Variants in JAML observed in about 807,000 individuals in gnomAD.
JAML encodes the protein junctional adhesion molecule-like.
In JAML, 25 loss-of-function variants were observed where a neutral mutation model predicts 39.3. That is an observed-to-expected ratio of 0.64 (90% CI 0.46 to 0.89). The LOEUF is 0.89. JAML is among the 40% of genes least tolerant of loss of function. JAML has a pLI of 0.00. For missense variants in JAML, 440 were observed against 486.9 expected (o/e 0.90, Z 0.91); for synonymous variants, 162 against 179.2 (o/e 0.90, Z 0.77).
chr11:118,194,801 G>T (rs542659433), intron 9 of JAML, among the ~76,000 whole-genome samples: 1 of 152,302 alleles, frequency 6.6e-6, no homozygotes, highest in Non-Finnish European at 1.5e-5. Flanking sequence ...AAGGCTCTTT[G>T]TTACCCCTGC....
intron 9 of JAML, among the ~76,000 whole-genome samples, chr11:118,196,220 C>T (rs1317119826): frequency 6.7e-6 from 1 of 149,070 alleles, no homozygotes; most frequent in African/African-American, 2.5e-5. Context: ...CAACGCCTTC[C>T]AGGTCCAAGC....
In JAML at chr11:118,200,625, G is replaced by A. The variant is rs79742660; in HGVS notation, c.773-13C>T. On this transcript the variant is annotated splice_polypyrimidine_tract_variant and intron_variant, in intron 6 of 9. Transcript: ENST00000356289. Reference sequence around the variant, plus strand: ...GGGGTCACCAGTGCTTGGGAAAGTAGAAAAGCAAGGAGAGGGTCTCAATAC... The same window carrying A: ...GGGGTCACCAGTGCTTGGGAAAGTAAAAAAGCAAGGAGAGGGTCTCAATAC... 6,862 of 1,613,988 alleles carry A rather than the reference G, an allele frequency of 4.3e-3. 255 individuals carry two copies. In the African/African-American group the frequency reaches 0.079, roughly 19 times the overall value.
In JAML at chr11:118,199,475, A is replaced by T. The variant is rs560016353; in HGVS notation, c.911+999T>A. ...TGGGAAAGAACACTCAAAAGTCAGG[A>T]CTATTCATGAGGCCCTTTCCCACTG... On this transcript the variant is annotated intron_variant, in intron 7 of 9. Coordinates refer to ENST00000356289, the MANE Select transcript of JAML (RefSeq NM_001098526.2). 4.6e-5 allele frequency among the ~76,000 whole-genome samples: 7 copies of T among 152,216 alleles called. No individual in the cohort carries two copies. In the South Asian group the frequency reaches 1.5e-3, roughly 32 times the overall value.
At chr11:118,207,862 T>A (rs1247979706) in intron 4 of JAML, among the ~76,000 whole-genome samples, 1 of 152,192 alleles carries the variant, frequency 6.6e-6, no homozygotes, top group East Asian at 1.9e-4. Flanking sequence ...CTCCTTGTGG[T>A]TCCCTCTGTG....
intron 2 of JAML, 26 bp downstream of exon 2, chr11:118,214,798 C>A (rs753903022): frequency 2.5e-6 from 4 of 1,611,472 alleles, no homozygotes; most frequent in Non-Finnish European, 3.4e-6. Context: ...TCAAATACCC[C>A]ACGGAGTCCC....
intron 4 of JAML, among the ~76,000 whole-genome samples, chr11:118,206,597 A>G (rs939555319): frequency 1.3e-5 from 2 of 152,066 alleles, no homozygotes; most frequent in African/African-American, 4.8e-5. Flanking sequence ...TGGCCTTGGT[A>G]CAAGTCACAG....
chr11:118,208,241 A>G (rs1591472145), intron 4 of JAML, among the ~76,000 whole-genome samples: 1 of 12,182 alleles, frequency 8.2e-5, no homozygotes, highest in African/African-American at 2.2e-4. Flanking sequence ...CTAAAAAAAA[A>G]AGAGAGAGAG....
rs1949023274 is a variant in JAML at position 118,210,379 on chromosome 11, A to G, written c.424+108T>C. 8 of 913,034 alleles carry G rather than the reference A, an allele frequency of 8.8e-6. No homozygotes were observed. In the South Asian group the frequency reaches 1.3e-4, roughly 15 times the overall value. The allele number at this position is 913,034 out of a possible 1,614,324, so 56.6% of individuals were successfully genotyped here. ...ATTTTTTGAAGATTCACTCTGTGGT[A>G]AGTACTTAGCCCAAAGGCTGGCATT... On this transcript the variant is annotated intron_variant, in intron 4 of 9. Transcript: ENST00000356289.
At chr11:118,221,642 G>C (rs1295969677) in intron 1 of JAML, among the ~76,000 whole-genome samples, 1 of 152,206 alleles carries the variant, frequency 6.6e-6, no homozygotes, top group African/African-American at 2.4e-5. Context: ...ACAGGCCATG[G>C]ACCAGTGCCA....
chr11:118,203,230 G>A (rs1591465643), intron 6 of JAML, 198 bp downstream of exon 6: 2 of 717,630 alleles, frequency 2.8e-6, no homozygotes, highest in South Asian at 2.9e-5. Context: ...GCCAGAACTA[G>A]GGTGAGGCAA....
At position 118,203,374 on chromosome 11, in the gene JAML, C is replaced by A. The variant is rs990676124; in HGVS notation, c.772+54G>T. ...CTCTCCGGCCTCACTCTAGTCCTGG[C>A]GCCATGCACCAGCCAGGAGGTCCCT... On this transcript the variant is annotated intron_variant, in intron 6 of 9. Coordinates refer to ENST00000356289, the MANE Select transcript of JAML (RefSeq NM_001098526.2). 15 of 1,504,650 alleles carry A rather than the reference C, an allele frequency of 1.0e-5. No individual in the cohort carries two copies. In the South Asian group the frequency reaches 1.5e-4, roughly 15 times the overall value. 93.2% of individuals were successfully genotyped at this position (1,504,650 alleles called of 1,614,324 possible).
intron 1 of JAML, among the ~76,000 whole-genome samples, chr11:118,220,921 A>C (rs7103936): frequency 0.26 from 40,305 of 152,132 alleles, 5,965 homozygotes; most frequent in African/African-American, 0.4. Context: ...TGGCCTTAAA[A>C]TGAAGTGGGC....
In JAML at chr11:118,214,938, AT is replaced by A. The variant is rs1012864321; in HGVS notation, c.-20-53del. On this transcript the variant is annotated intron_variant, in intron 1 of 9. Coordinates refer to ENST00000356289, the MANE Select transcript of JAML (RefSeq NM_001098526.2). Reference sequence around the variant, plus strand: ...AAATCATGTCAAGAGAAGCTCATTAATTTAAAAAACCAATAGTGAAGGACTA... The same window carrying A: ...AAATCATGTCAAGAGAAGCTCATTAATTAAAAAACCAATAGTGAAGGACTA... The A allele has an allele frequency of 3.9e-6, 6 of 1,549,980 alleles. No homozygotes were observed. The African/African-American group carries it at 8.2e-5, about 21-fold the overall frequency.
At chr11:118,197,895 C>G (rs778778695) in intron 8 of JAML, 103 bp downstream of exon 8, 7 of 1,061,302 alleles carry the variant, frequency 6.6e-6, no homozygotes, top group Non-Finnish European at 1.0e-5. Flanking sequence ...CAAGCACTGG[C>G]CTGCAAGCTG....
At chr11:118,218,094 G>C (rs1263615836) in intron 1 of JAML, among the ~76,000 whole-genome samples, 1 of 152,074 alleles carries the variant, frequency 6.6e-6, no homozygotes, top group Non-Finnish European at 1.5e-5. Flanking sequence ...CAAGCCACAT[G>C]TCTTTTTTTT....
At chr11:118,215,526 T>C (rs1591480073) in intron 1 of JAML, among the ~76,000 whole-genome samples, 1 of 151,718 alleles carries the variant, frequency 6.6e-6, no homozygotes, top group Admixed American at 6.6e-5. Context: ...TTTTTTTTTT[T>C]AAGTAGTAGA....
In JAML at chr11:118,205,920, T is replaced by C. The variant is rs142097035; in HGVS notation, c.496A>G (p.Thr166Ala). The part of the protein sequence containing the change: ...VFQSTEVKHV[T>A]KVEWIFSGRR... ...CCTGAAAATATCCATTCTACCTTGG[T>C]CACGTGTTTCACTTCTGTGCTCTGG... Residue 166 changes from threonine to alanine, a missense_variant, in exon 5 of 10, where the codon ACC becomes GCC. By Grantham distance (58) the Thr-to-Ala change is moderately conservative (BLOSUM62 0). Coordinates refer to ENST00000356289, the MANE Select transcript of JAML (RefSeq NM_001098526.2). The C allele has an allele frequency of 8.7e-6, 14 of 1,614,064 alleles. No homozygotes were observed. The highest frequency in any genetic ancestry group is 1.3e-5 in the African/African-American group (1 of 74,934).
chr11:118,214,021 C>T (rs1949107489), intron 2 of JAML, among the ~76,000 whole-genome samples: 2 of 152,164 alleles, frequency 1.3e-5, no homozygotes, highest in South Asian at 2.1e-4. Context: ...CTGTTGTATA[C>T]TTTGCTGAGT....
At chr11:118,199,889 C>T (rs966675474) in intron 7 of JAML, among the ~76,000 whole-genome samples, 10 of 151,722 alleles carry the variant, frequency 6.6e-5, no homozygotes, top group Non-Finnish European at 1.0e-4. Context: ...GTAAAGACAG[C>T]TTTTCACCGT....
Sources: gnomAD v4.1 joint callset for allele counts (sites outside exome capture counted in the v4.1 genomes callset) on GRCh38, gnomAD v4.1.1 for gene constraint, MANE v1.5 for transcripts, NCBI Gene and HGNC (gene_info 2026-07-23, HGNC 2026-07-21) for gene names.